Variants in ZNF804B observed in about 807,000 individuals in gnomAD.
The protein encoded by ZNF804B is zinc finger protein 804B.
ZNF804B carries 80 observed loss-of-function variants against 101.4 expected under a neutral mutation model. The ratio of observed to expected loss-of-function variants is 0.79; its 90% CI spans 0.66 to 0.95. The LOEUF (loss-of-function observed/expected upper bound fraction) is 0.95, where lower values mean the gene tolerates loss of function less well. Among genes scored for constraint, ZNF804B ranks in the 40% least tolerant of loss-of-function variants. ZNF804B has a pLI of 0.00. For missense variants in ZNF804B, 1,673 were observed against 1,561.9 expected, an observed-to-expected ratio of 1.07 and a Z score of -1.20; for synonymous variants, 622 against 558.8, an observed-to-expected ratio of 1.11 and a Z score of -1.59.
intron 1 of ZNF804B, among the ~76,000 whole-genome samples, chr7:88,792,627 T>C (rs1048630698): frequency 6.6e-6 from 1 of 152,114 alleles, no homozygotes; most frequent in East Asian, 1.9e-4. Flanking sequence ...TCATTTACTA[T>C]TGACATGCCC....
At chr7:89,156,393 G>A (rs1451490892) in intron 1 of ZNF804B, among the ~76,000 whole-genome samples, 1 of 152,154 alleles carries the variant, frequency 6.6e-6, no homozygotes, top group African/African-American at 2.4e-5. Flanking sequence ...GGGATTACAG[G>A]CCTGAGCCAC....
intron 1 of ZNF804B, among the ~76,000 whole-genome samples, chr7:89,151,846 T>C (rs1790881957): frequency 6.6e-6 from 1 of 152,078 alleles, no homozygotes; most frequent in Non-Finnish European, 1.5e-5. Context: ...TAGGCTATGA[T>C]CTACCTCCTA....
chr7:89,320,254 AAAT>A (rs1457846322), intron 2 of ZNF804B, among the ~76,000 whole-genome samples: 2 of 152,162 alleles, frequency 1.3e-5, no homozygotes, highest in African/African-American at 2.4e-5. Context: ...AAACTTTAAC[AAAT>A]AATAATATAT....
At chr7:88,958,308 G>C (rs760820358) in intron 1 of ZNF804B, among the ~76,000 whole-genome samples, 1 of 151,376 alleles carries the variant, frequency 6.6e-6, no homozygotes, top group Non-Finnish European at 1.5e-5. Context: ...TCATTACCTT[G>C]AAAATTATTC....
At chr7:89,298,447 A>T (rs1302558490) in intron 2 of ZNF804B, among the ~76,000 whole-genome samples, 19 of 149,792 alleles carry the variant, frequency 1.3e-4, no homozygotes, top group Non-Finnish European at 7.4e-5. Flanking sequence ...TATAATCAGC[A>T]CTACTATTAA....
intron 1 of ZNF804B, among the ~76,000 whole-genome samples, chr7:89,117,102 T>C (rs1790323254): frequency 6.6e-6 from 1 of 152,072 alleles, no homozygotes; most frequent in Admixed American, 6.6e-5. Context: ...AACCAAAGAA[T>C]TCTAGTAGCC....
intron 2 of ZNF804B, among the ~76,000 whole-genome samples, chr7:89,325,923 A>G (rs1186674635): frequency 1.3e-5 from 2 of 151,906 alleles, no homozygotes; most frequent in Non-Finnish European, 2.9e-5. Context: ...ACAAGGCTTC[A>G]CTCTAAGAAA....
At chr7:88,832,482 T>C (rs2115785711) in intron 1 of ZNF804B, among the ~76,000 whole-genome samples, 1 of 152,060 alleles carries the variant, frequency 6.6e-6, no homozygotes, top group South Asian at 2.1e-4. Flanking sequence ...CAGAGAATTT[T>C]AGACCTGCAC....
chr7:89,188,848 G>T (rs1258937480), intron 1 of ZNF804B, among the ~76,000 whole-genome samples: 1 of 152,032 alleles, frequency 6.6e-6, no homozygotes, highest in African/African-American at 2.4e-5. Context: ...GCTAGGAGAG[G>T]GTAGTTCATG....
At chr7:88,942,741 T>C (rs1793074333) in intron 1 of ZNF804B, among the ~76,000 whole-genome samples, 1 of 151,852 alleles carries the variant, frequency 6.6e-6, no homozygotes, top group Non-Finnish European at 1.5e-5. Flanking sequence ...TCTTTTCTAG[T>C]CTTGGGACCT....
chr7:89,133,203 C>G (rs553702894), intron 1 of ZNF804B, among the ~76,000 whole-genome samples: 36 of 152,124 alleles, frequency 2.4e-4, no homozygotes, highest in South Asian at 1.7e-3. Context: ...AGCTTCTTGT[C>G]TATTGGCAGT....
chr7:88,850,561 G>A (rs1027245622), intron 1 of ZNF804B, among the ~76,000 whole-genome samples: 2 of 152,070 alleles, frequency 1.3e-5, no homozygotes, highest in Non-Finnish European at 2.9e-5. Flanking sequence ...ATTTACAGGG[G>A]ACAGTTCTCA....
intron 1 of ZNF804B, among the ~76,000 whole-genome samples, chr7:89,148,432 A>C (rs186830803): frequency 6.6e-6 from 1 of 152,220 alleles, no homozygotes; most frequent in East Asian, 1.9e-4. Context: ...AAGGAAAGAG[A>C]AATAGGCAAG....
intron 1 of ZNF804B, among the ~76,000 whole-genome samples, chr7:89,063,517 G>A (rs1789407310): frequency 6.6e-6 from 1 of 152,068 alleles, no homozygotes. Context: ...GAAGTTTCAT[G>A]CCATTCAGTT....
rs372503661 is a variant in ZNF804B, at chr7:89,168,682, CT to C, written c.109-49450del. Among the ~76,000 whole-genome samples, 324 of 115,748 alleles carry C rather than the reference CT, an allele frequency of 2.8e-3. 1 individual carries two copies. Among genetic ancestry groups the C allele is most frequent in the East Asian group, 5.8e-3 (20 of 3,472 alleles). The allele number at this position is 115,748 out of a possible 152,430, so 75.9% of individuals were successfully genotyped here. ...GAATCCCTTGTAGTAGAGCTGAATA[CT>C]TTTTTTTTTTTTTTTTTTTTTTGCA... On this transcript the variant is annotated intron_variant, in intron 1 of 3. Coordinates refer to ENST00000333190, the MANE Select transcript of ZNF804B (RefSeq NM_181646.5).
chr7:88,854,625 T>C (rs1791528227), intron 1 of ZNF804B, among the ~76,000 whole-genome samples: 1 of 148,962 alleles, frequency 6.7e-6, no homozygotes, highest in African/African-American at 2.5e-5. Context: ...TTTTTATGCT[T>C]TCAGTTTTTG....
intron 1 of ZNF804B, among the ~76,000 whole-genome samples, chr7:89,069,502 T>A (rs888928376): frequency 1.5e-5 from 2 of 131,934 alleles, no homozygotes; most frequent in African/African-American, 5.9e-5. Context: ...TTCCTTTAAT[T>A]TTTTTTAATG....
At chr7:89,232,570 G>A (rs1046692667) in intron 2 of ZNF804B, among the ~76,000 whole-genome samples, 1 of 152,044 alleles carries the variant, frequency 6.6e-6, no homozygotes, top group Admixed American at 6.5e-5. Flanking sequence ...AATTTATTGA[G>A]ATCATTCTAT....
intron 2 of ZNF804B, among the ~76,000 whole-genome samples, chr7:89,239,671 A>C (rs1281708426): frequency 1.2e-4 from 19 of 152,076 alleles, no homozygotes; most frequent in Admixed American, 1.2e-3. Flanking sequence ...CCATTTATCT[A>C]TGAGGGTTCC....
Sources: gnomAD v4.1 joint callset for allele counts (sites outside exome capture counted in the v4.1 genomes callset) on GRCh38, gnomAD v4.1.1 for gene constraint, MANE v1.5 for transcripts, NCBI Gene and HGNC (gene_info 2026-07-23, HGNC 2026-07-21) for gene names.